KCNH8: variants seen among roughly 807,000 people sequenced by gnomAD.
The protein encoded by KCNH8 is voltage-gated delayed rectifier potassium channel KCNH8.
A neutral mutation model predicts 103.6 loss-of-function variants in KCNH8; 70 were observed. That is an observed-to-expected ratio of 0.68 (90% CI 0.56 to 0.82). The LOEUF is 0.82. Among genes scored for constraint, KCNH8 ranks in the 40% least tolerant of loss-of-function variants. The pLI, the probability that KCNH8 is intolerant of heterozygous loss-of-function variation, is 0.00. For missense variants in KCNH8, 1,217 were observed against 1,329.9 expected (o/e 0.92, Z 1.32); for synonymous variants, 498 against 489.4 (o/e 1.02, Z -0.23).
rs748031629 is a variant in KCNH8 at position 19,513,214 on chromosome 3, C to A, written c.2324C>A (p.Pro775His). 11 of 1,613,842 alleles carry A rather than the reference C, an allele frequency of 6.8e-6. No homozygotes were observed. In the South Asian group the frequency reaches 1.2e-4, roughly 18 times the overall value. Residue 775 changes from proline (P) to histidine (H), a missense_variant, in exon 13 of 16, where the codon CCC becomes CAC. Pro to His is a moderately conservative substitution (Grantham distance 77). This residue lies in a region of KCNH8 where 558 missense variants were observed against 495.8 expected (regional missense o/e 1.13). Coordinates refer to ENST00000328405, the MANE Select transcript of KCNH8 (RefSeq NM_144633.3). ...ATCAGAGTCTCCAGGTCAAATTCCC[C>A]CAAAACCAAGCAGGAAATTGACCCC... ...SPIRVSRSNS[P>H]KTKQEIDPPN...
intron 1 of KCNH8, among the ~76,000 whole-genome samples, chr3:19,250,477 A>T (rs1424125134): frequency 1.3e-5 from 2 of 152,216 alleles, no homozygotes; most frequent in African/African-American, 4.8e-5. Flanking sequence ...ATGGGAAAAT[A>T]TATGCTAGAC....
rs553725973 is a variant in KCNH8, at chr3:19,485,879, C to A, written c.2041-24484C>A. On this transcript the variant is annotated intron_variant, in intron 11 of 15. Transcript: ENST00000328405. The stretch of plus-strand genomic sequence containing the variant: ...AGAATTTCTTGTTGATATTTTATGT[C>A]CTTTCCCCCAGGGTTTAACAGGCCC... Among the ~76,000 whole-genome samples, 6 of 152,270 alleles carry A rather than the reference C, an allele frequency of 3.9e-5. No individual in the cohort carries two copies. The South Asian group carries it at 1.2e-3, about 32-fold the overall frequency.
chr3:19,209,862 T>C (rs1225481755), intron 1 of KCNH8, among the ~76,000 whole-genome samples: 1 of 152,026 alleles, frequency 6.6e-6, no homozygotes, highest in East Asian at 1.9e-4. Flanking sequence ...ACCTTTTGAG[T>C]TATCCTTCCT....
intron 1 of KCNH8, among the ~76,000 whole-genome samples, chr3:19,156,798 A>G (rs1359478483): frequency 6.6e-6 from 1 of 152,070 alleles, no homozygotes; most frequent in Non-Finnish European, 1.5e-5. Flanking sequence ...AGGGTCATAT[A>G]GAGGAAATTC....
At position 19,378,189 on chromosome 3, in the gene KCNH8, G is replaced by T. The variant is rs118182602; in HGVS notation, c.812-12292G>T. 4.3e-4 allele frequency among the ~76,000 whole-genome samples: 66 copies of T among 152,230 alleles called. 2 individuals are homozygous for T. In the East Asian group the frequency reaches 0.011, roughly 25 times the overall value. ...AGCAAAAGCGCGTGGAAAAGCAAAT[G>T]TGCACAATTTTATGGGCAAACCATA... On this transcript the variant is annotated intron_variant, in intron 5 of 15. Transcript: ENST00000328405.
At chr3:19,366,012 A>G (rs1252741513) in intron 5 of KCNH8, among the ~76,000 whole-genome samples, 1 of 152,132 alleles carries the variant, frequency 6.6e-6, no homozygotes, top group Admixed American at 6.6e-5. Context: ...AAGAATGTTA[A>G]TATATACAGC....
intron 1 of KCNH8, among the ~76,000 whole-genome samples, chr3:19,237,057 G>T (rs971375623): frequency 5.3e-5 from 8 of 152,166 alleles, no homozygotes; most frequent in Admixed American, 2.0e-4. Context: ...AAATTAAATG[G>T]CAATACATGT....
At chr3:19,231,808 C>T (rs1440755410) in intron 1 of KCNH8, among the ~76,000 whole-genome samples, 3 of 152,220 alleles carry the variant, frequency 2.0e-5, no homozygotes, top group Non-Finnish European at 4.4e-5. Flanking sequence ...GAATGCTACT[C>T]ACTCTCAGCT....
chr3:19,483,753 G>C (rs1320119610), intron 11 of KCNH8, among the ~76,000 whole-genome samples: 7 of 152,166 alleles, frequency 4.6e-5, no homozygotes, highest in Admixed American at 3.9e-4. Context: ...CAAGGATCCA[G>C]TCTGGCCCCA....
chr3:19,243,232 C>T (rs2064164299), intron 1 of KCNH8, among the ~76,000 whole-genome samples: 1 of 152,156 alleles, frequency 6.6e-6, no homozygotes, highest in South Asian at 2.1e-4. Flanking sequence ...AGTCAGCATA[C>T]ACCTGTGTTG....
chr3:19,493,014 G>C (rs962240383), intron 11 of KCNH8, among the ~76,000 whole-genome samples: 33 of 152,062 alleles, frequency 2.2e-4, no homozygotes, highest in Admixed American at 7.2e-4. Context: ...TTCTTGATTT[G>C]ACTTTCAGCC....
chr3:19,528,581 G>A (rs953535199), intron 15 of KCNH8, among the ~76,000 whole-genome samples: 1 of 152,090 alleles, frequency 6.6e-6, no homozygotes, highest in Non-Finnish European at 1.5e-5. Context: ...AGTTGTATAT[G>A]TGAATTCTAA....
At chr3:19,453,637 G>A (rs2067483602) in intron 10 of KCNH8, among the ~76,000 whole-genome samples, 1 of 152,132 alleles carries the variant, frequency 6.6e-6, no homozygotes, top group Non-Finnish European at 1.5e-5. Context: ...GAGGTGAATA[G>A]GTGATGAGGG....
chr3:19,334,436 T>A (rs2065554618), intron 3 of KCNH8, among the ~76,000 whole-genome samples: 1 of 152,124 alleles, frequency 6.6e-6, no homozygotes, highest in South Asian at 2.1e-4. Flanking sequence ...CAGCAAAACC[T>A]CATCTTTAAA....
At chr3:19,492,614 C>T (rs547121950) in intron 11 of KCNH8, among the ~76,000 whole-genome samples, 1 of 152,178 alleles carries the variant, frequency 6.6e-6, no homozygotes, top group East Asian at 1.9e-4. Context: ...GTGATGCCTC[C>T]AGCTTCATTT....
At chr3:19,444,303 C>T (rs2067330053) in intron 8 of KCNH8, among the ~76,000 whole-genome samples, 1 of 151,854 alleles carries the variant, frequency 6.6e-6, no homozygotes, top group Non-Finnish European at 1.5e-5. Context: ...TGTATATCTA[C>T]CTGTTGGAAG....
intron 3 of KCNH8, among the ~76,000 whole-genome samples, chr3:19,336,607 T>A (rs1364459683): frequency 1.3e-5 from 2 of 151,970 alleles, no homozygotes; most frequent in South Asian, 2.1e-4. Context: ...TTATTTATTT[T>A]TTGCCACCAC....
intron 3 of KCNH8, among the ~76,000 whole-genome samples, chr3:19,298,053 A>G (rs1399721324): frequency 6.6e-6 from 1 of 152,212 alleles, no homozygotes; most frequent in Non-Finnish European, 1.5e-5. Context: ...TGGAGTCAAA[A>G]TATAAAGTTT....
At chr3:19,374,340 A>G (rs2066155045) in intron 5 of KCNH8, among the ~76,000 whole-genome samples, 1 of 151,630 alleles carries the variant, frequency 6.6e-6, no homozygotes, top group South Asian at 2.1e-4. Context: ...TTCTTGTTGA[A>G]TTGATCCCTT....
Sources: allele counts gnomAD v4.1 joint callset (sites outside exome capture counted in the v4.1 genomes callset), GRCh38; gene constraint gnomAD v4.1.1; regional missense constraint gnomAD v4.1.1; transcripts MANE v1.5; gene names NCBI Gene and HGNC (gene_info 2026-07-23, HGNC 2026-07-21).